Variants in RAPGEF2 observed in about 807,000 individuals in gnomAD.
RAPGEF2 encodes PDZ domain containing guanine nucleotide exchange factor (GEF) 1.
In RAPGEF2, 54 loss-of-function variants were observed where a neutral mutation model predicts 186.7. The ratio of observed to expected loss-of-function variants is 0.29; its 90% confidence interval spans 0.23 to 0.36. RAPGEF2 has a LOEUF of 0.36. Ranked by LOEUF, RAPGEF2 falls within the 10% of genes least tolerant of loss-of-function variation. The pLI, the probability that RAPGEF2 is intolerant of heterozygous loss-of-function variation, is 1.00. For missense variants in RAPGEF2, 1,532 were observed against 2,045.0 expected, an observed-to-expected ratio of 0.75 and a Z score of 4.84; for synonymous variants, 712 against 705.9, an observed-to-expected ratio of 1.01 and a Z score of -0.14.
chr4:159,295,746 TGTGTGTGTGCGCGCGCGC>T (rs60091174), intron 7 of RAPGEF2, among the ~76,000 whole-genome samples: 2,358 of 125,588 alleles, frequency 0.019, 33 homozygotes, highest in Non-Finnish European at 0.028. Flanking sequence ...TGTGTGTGTG[TGTGTGTGTGCGCGCGCGC>T]GCGCGCGCGC....
At chr4:159,157,295 T>C (rs996295179) in intron 1 of RAPGEF2, among the ~76,000 whole-genome samples, 1 of 152,084 alleles carries the variant, frequency 6.6e-6, no homozygotes, top group Non-Finnish European at 1.5e-5. Flanking sequence ...AACTGCTGTG[T>C]GATAGCAGTA....
At chr4:159,194,266 G>A (rs1217560317) in intron 3 of RAPGEF2, among the ~76,000 whole-genome samples, 1 of 152,130 alleles carries the variant, frequency 6.6e-6, no homozygotes, top group Non-Finnish European at 1.5e-5. Context: ...GGGTCAGGGT[G>A]GTAAGTCAGG....
intron 7 of RAPGEF2, among the ~76,000 whole-genome samples, chr4:159,297,034 GAATT>G (rs1762105795): frequency 6.6e-6 from 1 of 152,164 alleles, no homozygotes; most frequent in Non-Finnish European, 1.5e-5. Context: ...ATACACGCAA[GAATT>G]AATTCCTTTC....
intron 1 of RAPGEF2, among the ~76,000 whole-genome samples, chr4:159,105,119 G>A (rs534986583): frequency 2.6e-5 from 4 of 152,254 alleles, no homozygotes; most frequent in African/African-American, 9.6e-5. Context: ...CTGGAGAGGG[G>A]GAAATTTTAT....
At chr4:159,154,506 T>C (rs1274835100) in intron 1 of RAPGEF2, among the ~76,000 whole-genome samples, 1 of 49,868 alleles carries the variant, frequency 2.0e-5, no homozygotes, top group Non-Finnish European at 4.0e-5. Context: ...TCACATCACC[T>C]TTTTTTTTTT....
intron 1 of RAPGEF2, among the ~76,000 whole-genome samples, chr4:159,171,901 A>G (rs1172537253): frequency 5.9e-5 from 9 of 152,172 alleles, no homozygotes; most frequent in Non-Finnish European, 1.3e-4. Context: ...ATTGCCCTTC[A>G]TACTACCGTT....
At chr4:159,159,714 A>T (rs568749567) in intron 1 of RAPGEF2, among the ~76,000 whole-genome samples, 2 of 152,360 alleles carry the variant, frequency 1.3e-5, no homozygotes, top group African/African-American at 4.8e-5. Flanking sequence ...ATTCAAGATT[A>T]TAATAACAAT....
Position 159,112,848 on chromosome 4 carries a change from A to G in RAPGEF2, c.69+8617A>G, listed in dbSNP as rs535353613. Among the ~76,000 whole-genome samples the G allele has an allele frequency of 1.4e-4, 21 of 152,334 alleles. No individual in the cohort carries two copies. The South Asian group carries it at 1.4e-3, about 11-fold the overall frequency. On this transcript the variant is annotated intron_variant, in intron 1 of 29. Transcript: ENST00000691494. ...AAATATCTCCCCCACAAAATTAATT[A>G]ACTATAAAGGAAAAAATCAATACTT...
At position 159,338,455 on chromosome 4, in the gene RAPGEF2, C is replaced by A. The variant is rs1471573697; in HGVS notation, c.2280C>A (p.Phe760Leu). ...AGTCACATCATCGCATTTTAGACTT[C>A]AGTGCTACTCCTGGTGAGTATCACC... ...LLQSHHRILDFSATPDLPDQV... is the reference protein window; with the variant it reads ...LLQSHHRILDLSATPDLPDQV... Residue 760 changes from phenylalanine (F) to leucine (L), a missense_variant, in exon 18 of 30, where the codon TTC (phenylalanine) becomes TTA (leucine). This residue lies in a region of RAPGEF2 where 810 missense variants were observed against 1,210.5 expected (regional missense o/e 0.67). Coordinates refer to ENST00000691494, the MANE Select transcript of RAPGEF2 (RefSeq NM_001394067.2). The A allele has an allele frequency of 6.2e-7, 1 of 1,613,362 alleles. No individual in the cohort carries two copies. Among genetic ancestry groups the A allele is most frequent in the South Asian group, 1.1e-5 (1 of 90,974 alleles).
At chr4:159,354,347 G>T (rs141343517) in intron 28 of RAPGEF2, among the ~76,000 whole-genome samples, 157 of 152,230 alleles carry the variant, frequency 1.0e-3, no homozygotes, top group African/African-American at 3.7e-3. Flanking sequence ...CTCTTAACCT[G>T]AAAATCAGGA....
rs1039728951 is a variant in RAPGEF2 at position 159,209,489 on chromosome 4, C to T, written c.198-1011C>T. 4.6e-5 allele frequency among the ~76,000 whole-genome samples: 7 copies of T among 152,336 alleles called. No individual in the cohort carries two copies. The East Asian group carries it at 9.6e-4, about 21-fold the overall frequency. ...GGAATGCTGCTCCCTTCAGGATCCA[C>T]GTGGCTAACTCACCTCCTTTGCTCA... On this transcript the variant is annotated intron_variant, in intron 3 of 29. Transcript: ENST00000691494.
intron 17 of RAPGEF2, among the ~76,000 whole-genome samples, chr4:159,337,627 C>T (rs962809836): frequency 1.5e-4 from 23 of 151,826 alleles, no homozygotes; most frequent in African/African-American, 4.8e-4. Context: ...TGGTGGCTCA[C>T]GCCTGTAATC....
chr4:159,249,763 A>T (rs72699362), intron 7 of RAPGEF2, among the ~76,000 whole-genome samples: 2,590 of 152,230 alleles, frequency 0.017, 35 homozygotes, highest in Non-Finnish European at 0.027. Context: ...AGCTTATTTG[A>T]GATATAATTC....
At chr4:159,239,757 T>A (rs1052239225) in intron 5 of RAPGEF2, among the ~76,000 whole-genome samples, 1 of 152,186 alleles carries the variant, frequency 6.6e-6, no homozygotes, top group Non-Finnish European at 1.5e-5. Context: ...ATTCTTACTG[T>A]CTCCATCCAG....
rs867345871 is a variant in RAPGEF2, at chr4:159,342,578, T to A, written c.2919-401T>A. 8.9e-3 allele frequency among the ~76,000 whole-genome samples: 1,268 copies of A among 142,118 alleles called. 28 individuals are homozygous for A. The highest frequency in any genetic ancestry group is 0.03 in the African/African-American group (1,129 of 37,826). The allele number at this position is 142,118 out of a possible 152,430, so 93.2% of individuals were successfully genotyped here. On this transcript the variant is annotated intron_variant, in intron 20 of 29. Coordinates refer to ENST00000691494, the MANE Select transcript of RAPGEF2 (RefSeq NM_001394067.2). Reference sequence around the variant, plus strand: ...ATTATTTTATTTTATTTTATTTTATTTTATTTTATTTTATTTTATTTTATT... The same window carrying A: ...ATTATTTTATTTTATTTTATTTTATATTATTTTATTTTATTTTATTTTATT...
At chr4:159,179,296 TTG>T (rs1328696811) in intron 1 of RAPGEF2, among the ~76,000 whole-genome samples, 1 of 151,690 alleles carries the variant, frequency 6.6e-6, no homozygotes, top group Non-Finnish European at 1.5e-5. Flanking sequence ...ATTTTTCAGT[TTG>T]TGTGTCATAG....
Position 159,303,691 on chromosome 4 carries a change from G to A in RAPGEF2, c.544-651G>A, listed in dbSNP as rs372863108. Among the ~76,000 whole-genome samples the A allele has an allele frequency of 3.3e-5, 5 of 151,892 alleles. No homozygotes were observed. The East Asian group carries it at 7.8e-4, about 24-fold the overall frequency. On this transcript the variant is annotated intron_variant, in intron 7 of 29. Coordinates refer to ENST00000691494, the MANE Select transcript of RAPGEF2 (RefSeq NM_001394067.2). ...TGGTATATAAGGGGTGGCAGAACAC[G>A]TAAGGGATACTTAGTGAATGTGTTT...
intron 7 of RAPGEF2, among the ~76,000 whole-genome samples, chr4:159,246,527 C>T (rs1031890526): frequency 1.3e-5 from 2 of 152,108 alleles, no homozygotes; most frequent in Non-Finnish European, 2.9e-5. Flanking sequence ...TTAAATATCT[C>T]TGAAGTCAGT....
intron 8 of RAPGEF2, among the ~76,000 whole-genome samples, chr4:159,313,883 G>A (rs1163800068): frequency 6.6e-6 from 1 of 152,044 alleles, no homozygotes; most frequent in Admixed American, 6.5e-5. Context: ...AACTGTTCTA[G>A]GATTGAGCTA....
Sources: gnomAD v4.1 joint callset for allele counts (sites outside exome capture counted in the v4.1 genomes callset) on GRCh38, gnomAD v4.1.1 for gene constraint, gnomAD v4.1.1 regional missense constraint, MANE v1.5 for transcripts, NCBI Gene and HGNC (gene_info 2026-07-23, HGNC 2026-07-21) for gene names.